CNOT1: variants seen among roughly 807,000 people sequenced by gnomAD.
CNOT1 encodes the protein CCR4-NOT transcription complex subunit 1.
A neutral mutation model predicts 273.8 loss-of-function variants in CNOT1; 15 were observed. The ratio of observed to expected loss-of-function variants is 0.05; its 90% CI spans 0.04 to 0.08. The LOEUF is 0.08. Ranked by LOEUF, CNOT1 falls within the 10% of genes least tolerant of loss-of-function variation. CNOT1 has a pLI of 1.00. For missense variants in CNOT1, 1,644 were observed against 2,912.2 expected (o/e 0.56, Z 10.02); for synonymous variants, 1,022 against 1,005.5 (o/e 1.02, Z -0.31).
At chr16:58,595,018 G>A (rs2042202517) in intron 2 of CNOT1, among the ~76,000 whole-genome samples, 1 of 151,730 alleles carries the variant, frequency 6.6e-6, no homozygotes, top group African/African-American at 2.4e-5. Context: ...GGGAGGCTGA[G>A]GCAGAGAACT....
rs911686658 is a variant in CNOT1, at chr16:58,520,800, A to G, written c.*158T>C. ...CATTTAAACTTTGGAACGTGCCCAC[A>G]TAAGACAGGAGGCTGATCCCAACAG... On this transcript the variant is annotated 3_prime_UTR_variant, in exon 49 of 49. Coordinates refer to ENST00000317147, the MANE Select transcript of CNOT1 (RefSeq NM_016284.5). 2.6e-5 allele frequency: 19 copies of G among 717,074 alleles called. 1 individual carries two copies. Among genetic ancestry groups the G allele is most frequent in the South Asian group, 2.3e-4 (12 of 52,744 alleles). The allele number at this position is 717,074 out of a possible 1,614,324, so 44.4% of individuals were successfully genotyped here. A position where few individuals can be genotyped will look rare whatever the true frequency, so the allele number is the denominator to read the frequency against.
chr16:58,546,617 T>C, intron 28 of CNOT1, 55 bp downstream of exon 28: 1 of 1,613,096 alleles, frequency 6.2e-7, no homozygotes, highest in South Asian at 1.1e-5. Flanking sequence ...TCACTGTAAG[T>C]TTTAATAATG....
chr16:58,548,853 C>A (rs910662548), intron 25 of CNOT1, among the ~76,000 whole-genome samples: 3 of 152,216 alleles, frequency 2.0e-5, no homozygotes, highest in African/African-American at 7.2e-5. Flanking sequence ...AGATATCTTG[C>A]ACTTGAATAC....
chr16:58,627,913 C>G (rs752263938), intron 1 of CNOT1, among the ~76,000 whole-genome samples: 16 of 152,134 alleles, frequency 1.1e-4, no homozygotes, highest in Non-Finnish European at 1.8e-4. Context: ...CTGCAACCTC[C>G]GCCTCCCGGG....
At chr16:58,534,644 T>C (rs1313207889) in intron 39 of CNOT1, among the ~76,000 whole-genome samples, 4 of 152,232 alleles carry the variant, frequency 2.6e-5, no homozygotes, top group Admixed American at 6.5e-5. Context: ...CATGGCAATT[T>C]TGAACAGTAG....
intron 17 of CNOT1, 88 bp downstream of exon 17, chr16:58,560,124 A>C (rs761295499): frequency 7.1e-6 from 11 of 1,544,696 alleles, no homozygotes; most frequent in Admixed American, 2.1e-5. Context: ...AAATGTAATA[A>C]ATTCAGACAA....
At chr16:58,628,394 G>T (rs540969403) in intron 1 of CNOT1, among the ~76,000 whole-genome samples, 1 of 152,028 alleles carries the variant, frequency 6.6e-6, no homozygotes, top group African/African-American at 2.4e-5. Flanking sequence ...AATACCAACC[G>T]GGACCACAGA....
At chr16:58,588,651 A>G (rs998790067) in intron 3 of CNOT1, 148 bp downstream of exon 3, 1 of 1,113,552 alleles carries the variant, frequency 9.0e-7, no homozygotes, top group Non-Finnish European at 1.3e-6. Context: ...CGCACAGAAA[A>G]AAAAGGAAAA....
chr16:58,538,400 A>C lies in CNOT1; in HGVS notation c.5136-134T>G, dbSNP rs908811562. 4.7e-5 allele frequency: 30 copies of C among 643,106 alleles called. No homozygotes were observed. The Middle Eastern group carries it at 2.1e-3, about 44-fold the overall frequency. The allele number at this position is 643,106 out of a possible 1,614,324, so 39.8% of individuals were successfully genotyped here. A position where few individuals can be genotyped will look rare whatever the true frequency, so the allele number is the denominator to read the frequency against. On this transcript the variant is annotated intron_variant, in intron 36 of 48. Transcript: ENST00000317147. ...TCCAAATCAGTGTCCAAATTTAAAA[A>C]CAGCCAGTAATGAAATAGAACAGAT...
intron 7 of CNOT1, 64 bp from the exon 8 acceptor site, chr16:58,585,570 A>G: frequency 6.5e-7 from 1 of 1,539,806 alleles, no homozygotes; most frequent in South Asian, 1.3e-5. Context: ...CTTTTGCTCT[A>G]TCCAAAATCC....
At chr16:58,530,450 A>G (rs964583289) in intron 42 of CNOT1, 103 bp from the exon 43 acceptor site, 38 of 727,086 alleles carry the variant, frequency 5.2e-5, no homozygotes, top group South Asian at 8.6e-5. Flanking sequence ...TCATGCTAAT[A>G]TAAGTAGAGA....
chr16:58,580,787 C>T (rs1481045213), intron 11 of CNOT1, 27 bp from the exon 12 acceptor site: 2 of 1,589,430 alleles, frequency 1.3e-6, no homozygotes, highest in Non-Finnish European at 1.7e-6. Context: ...TGCTTACCAC[C>T]ATAAATGATT....
intron 16 of CNOT1, among the ~76,000 whole-genome samples, chr16:58,573,358 T>C (rs1216876433): frequency 1.3e-5 from 2 of 150,964 alleles, no homozygotes; most frequent in Non-Finnish European, 2.9e-5. Context: ...CCTAAATAAG[T>C]AGAAAAACAT....
Position 58,551,631 on chromosome 16 carries a change from C to T in CNOT1, c.3159G>A (p.Thr1053=), listed in dbSNP as rs767772158. 1.4e-5 allele frequency: 22 copies of T among 1,613,988 alleles called. No homozygotes were observed. Among genetic ancestry groups the T allele is most frequent in the Admixed American group, 3.3e-5 (2 of 60,008 alleles). Residue 1053 remains threonine, a synonymous_variant, in exon 23 of 49, where the codon ACG becomes ACA. Transcript: ENST00000317147. ...STTTTVAKTV[T]VTRPTGVSFK... ...AGCTGACTCCAGTTGGCCTGGTGACCGTAACCGTTTTAGCAACAGTGGTAG... is the reference window on the plus strand; with the variant it reads ...AGCTGACTCCAGTTGGCCTGGTGACTGTAACCGTTTTAGCAACAGTGGTAG...
chr16:58,552,960 C>T (rs2040504976), intron 22 of CNOT1, among the ~76,000 whole-genome samples: 1 of 152,098 alleles, frequency 6.6e-6, no homozygotes, highest in Admixed American at 6.6e-5. Context: ...TCTATTTTCC[C>T]AGGGACTGAC....
At position 58,545,483 on chromosome 16, in the gene CNOT1, T is replaced by A. The variant is rs185370562; in HGVS notation, c.4015A>T (p.Thr1339Ser). Residue 1339 changes from threonine to serine, a missense_variant, in exon 30 of 49, where the codon ACT (threonine) becomes TCT (serine). Around this residue, in one of 13 missense-constraint regions of CNOT1, gnomAD observed 52 missense variants for 50.2 expected, o/e 1.04. Transcript: ENST00000317147. Reference sequence around the variant, plus strand: ...CAAGTGGTGTTGGTAGCTGGTGTAGTAGAAGTTGCTAAATGTCAAGTAATA... The same window carrying A: ...CAAGTGGTGTTGGTAGCTGGTGTAGAAGAAGTTGCTAAATGTCAAGTAATA... ...LPPITTTTTS[T>S]TPATNTTCTA... 1 of 1,613,878 alleles carries A rather than the reference T, an allele frequency of 6.2e-7. No individual in the cohort carries two copies. Among genetic ancestry groups the A allele is most frequent in the East Asian group, 2.2e-5 (1 of 44,884 alleles).
chr16:58,576,494 G>A lies in CNOT1; in HGVS notation c.1673C>T (p.Ser558Phe). The A allele has an allele frequency of 6.2e-7, 1 of 1,614,130 alleles. No individual in the cohort carries two copies. The highest frequency in any genetic ancestry group is 8.5e-7 in the Non-Finnish European group (1 of 1,180,028). Reference sequence around the variant, plus strand: ...GTCCTGGGCCACATCAAGTATTCGAGACAATTTGGCCTGATCATACTGCTC... The same window carrying A: ...GTCCTGGGCCACATCAAGTATTCGAAACAATTTGGCCTGATCATACTGCTC... ...RGEQYDQAKLSRILDVAQDLK... is the reference protein window; with the variant it reads ...RGEQYDQAKLFRILDVAQDLK... Residue 558 changes from serine (S) to phenylalanine (F), a missense_variant, in exon 14 of 49, where the codon TCT becomes TTT. Transcript: ENST00000317147.
chr16:58,623,474 A>AG (rs1013501386), intron 1 of CNOT1: 1 of 152,128 alleles, frequency 6.6e-6, no homozygotes, highest in Non-Finnish European at 1.5e-5. Flanking sequence ...AACTCCAGGG[A>AG]GGGAAAAGGT....
Position 58,551,199 on chromosome 16 carries a change from G to A in CNOT1, c.3275C>T (p.Pro1092Leu). Reference sequence around the variant, plus strand: ...AGCAATTTTCTCCTGGATATTTTCTGGGGGCTCCACAATTCTCTCAGTTTG... The same window carrying A: ...AGCAATTTTCTCCTGGATATTTTCTAGGGGCTCCACAATTCTCTCAGTTTG... Reference protein sequence around the residue: ...TDQTERIVEPPENIQEKIAFI... With the variant: ...TDQTERIVEPLENIQEKIAFI... The change falls in exon 24 of 49, where the codon CCA becomes CTA. Residue 1092 changes from proline to leucine, a missense_variant. Physicochemically the swap from Pro to Leu is moderately conservative, Grantham distance 98 (BLOSUM62 -3). Coordinates refer to ENST00000317147, the MANE Select transcript of CNOT1 (RefSeq NM_016284.5). 1 of 1,610,632 alleles carries A rather than the reference G, an allele frequency of 6.2e-7. No homozygotes were observed. The highest frequency in any genetic ancestry group is 8.5e-7 in the Non-Finnish European group (1 of 1,179,040).
Sources: allele counts gnomAD v4.1 joint callset (sites outside exome capture counted in the v4.1 genomes callset), GRCh38; gene constraint gnomAD v4.1.1; regional missense constraint gnomAD v4.1.1; transcripts MANE v1.5; gene names NCBI Gene and HGNC (gene_info 2026-07-23, HGNC 2026-07-21).